FAM124B: variants seen among roughly 807,000 people sequenced by gnomAD.
FAM124B encodes family with sequence similarity 124 member B, also known as protein FAM124B.
A neutral mutation model predicts 19.7 loss-of-function variants in FAM124B; 18 were observed. That is an observed-to-expected ratio of 0.92 (90% confidence interval 0.63 to 1.36). FAM124B has a LOEUF of 1.36. Among genes scored for constraint, FAM124B ranks in the 40% most tolerant of loss-of-function variants. FAM124B has a pLI of 0.00. For synonymous variants in FAM124B, 223 were observed against 225.2 expected, an observed-to-expected ratio of 0.99 and a Z score of 0.09; for missense variants, 540 against 553.3, an observed-to-expected ratio of 0.98 and a Z score of 0.24.
At position 224,379,661 on chromosome 2, in the gene FAM124B, C is replaced by T; in HGVS notation, c.1280G>A (p.Gly427Asp). ...ACATTCTGAAATTGTCTTCCTGGTA[C>T]CAAGGTCCCTTTGGCCAGCAAGTGG... The part of the protein sequence containing the change: ...PLPLAGQRDL[G>D]TRKTISECLL... Residue 427 changes from glycine to aspartate, a missense_variant, in exon 2 of 2, where the codon GGT becomes GAT. Transcript: ENST00000409685. 1.3e-6 allele frequency: 2 copies of T among 1,551,600 alleles called. No homozygotes were observed. Among genetic ancestry groups the T allele is most frequent in the Non-Finnish European group, 1.7e-6 (2 of 1,146,970 alleles).
intron 1 of FAM124B, among the ~76,000 whole-genome samples, chr2:224,381,837 C>T (rs1025807787): frequency 1.3e-5 from 2 of 152,034 alleles, no homozygotes; most frequent in African/African-American, 2.4e-5. Context: ...GTGAACCTAC[C>T]ACTGCTGTAA....
Position 224,379,325 on chromosome 2 carries a change from C to G in FAM124B, c.*248G>C, listed in dbSNP as rs536056488. 128 of 463,964 alleles carry G rather than the reference C, an allele frequency of 2.8e-4. 1 individual carries two copies. Among genetic ancestry groups the G allele is most frequent in the Middle Eastern group, 1.2e-3 (2 of 1,644 alleles). 28.7% of individuals were successfully genotyped at this position (463,964 alleles called of 1,614,324 possible). On this transcript the variant is annotated 3_prime_UTR_variant, in exon 2 of 2. Transcript: ENST00000409685. ...ATCCAGCTGGGTTAGTGCATCTCCA[C>G]GGAACAAAAGCATTCGGTTTTTTTC...
chr2:224,394,848 C>T (rs982606444), intron 1 of FAM124B, among the ~76,000 whole-genome samples: 1 of 152,210 alleles, frequency 6.6e-6, no homozygotes, highest in African/African-American at 2.4e-5. Flanking sequence ...TGGGTGGCTG[C>T]AGCTCTACAG....
intron 1 of FAM124B, among the ~76,000 whole-genome samples, chr2:224,390,618 C>T (rs1430432769): frequency 6.6e-6 from 1 of 151,742 alleles, no homozygotes; most frequent in African/African-American, 2.4e-5. Flanking sequence ...CACCAGCGGG[C>T]GTGAACATAC....
At position 224,401,312 on chromosome 2, in the gene FAM124B, T is replaced by A; in HGVS notation, c.457A>T (p.Ile153Phe). 1 of 1,614,048 alleles carries A rather than the reference T, an allele frequency of 6.2e-7. No homozygotes were observed. The highest frequency in any genetic ancestry group is 1.6e-4 in the Middle Eastern group (1 of 6,062). ...YCSFDNYEDA[I>F]RLYEMILQRE... ...TGCAGGATCATCTCGTAGAGTCTGA[T>A]GGCGTCTTCATAGTTATCAAAACTG... Residue 153 changes from isoleucine to phenylalanine, a missense_variant, in exon 1 of 2, where the codon ATC becomes TTC. By Grantham distance (21) the Ile-to-Phe change is conservative (BLOSUM62 0). Coordinates refer to ENST00000409685, the MANE Select transcript of FAM124B (RefSeq NM_001122779.2).
chr2:224,400,900 TG>T, intron 1 of FAM124B, 136 bp downstream of exon 1: 1 of 1,173,160 alleles, frequency 8.5e-7, no homozygotes, highest in Non-Finnish European at 1.2e-6. Flanking sequence ...CAAACTGCCC[TG>T]GGGTGGGAAT....
Position 224,401,671 on chromosome 2 carries a change from T to C in FAM124B, c.98A>G (p.Asp33Gly), listed in dbSNP as rs1690077852. 6.2e-7 allele frequency: 1 copy of C among 1,614,110 alleles called. No individual in the cohort carries two copies. Among genetic ancestry groups the C allele is most frequent in the Non-Finnish European group, 8.5e-7 (1 of 1,180,036 alleles). The change falls in exon 1 of 2, where the codon GAT becomes GGT. Residue 33 changes from aspartate (D) to glycine (G), a missense_variant. By Grantham distance (94) the Asp-to-Gly change is moderately conservative. Coordinates refer to ENST00000409685, the MANE Select transcript of FAM124B (RefSeq NM_001122779.2). ...GAGCCGGACCTCTGGGCAAATGCAA[T>C]CCAGGAGCTGGTCCAGAGTCCTCTG... The part of the protein sequence containing the change: ...LLQRTLDQLL[D>G]CICPEVRLFQ...
intron 1 of FAM124B, chr2:224,400,334 C>T (rs1690044576): frequency 4.9e-6 from 3 of 614,470 alleles, no homozygotes; most frequent in East Asian, 5.6e-5. Context: ...ATAGTGAGAC[C>T]CCGTCTCTAG....
At chr2:224,395,934 T>C (rs149536610) in intron 1 of FAM124B, among the ~76,000 whole-genome samples, 3 of 152,310 alleles carry the variant, frequency 2.0e-5, no homozygotes, top group Non-Finnish European at 2.9e-5. Flanking sequence ...ATGTACATTC[T>C]CTCATTTGAC....
intron 1 of FAM124B, among the ~76,000 whole-genome samples, chr2:224,395,854 C>T (rs1490270931): frequency 6.6e-6 from 1 of 152,214 alleles, no homozygotes; most frequent in Non-Finnish European, 1.5e-5. Flanking sequence ...GACAGCCTCT[C>T]ACATGCACAG....
At chr2:224,380,433 A>G (rs573108224) in intron 1 of FAM124B, among the ~76,000 whole-genome samples, 6 of 152,312 alleles carry the variant, frequency 3.9e-5, no homozygotes, top group Admixed American at 3.9e-4. Flanking sequence ...AGTTTTTGAC[A>G]AGGGTAAGAC....
At chr2:224,388,885 G>C (rs1689839163) in intron 1 of FAM124B, among the ~76,000 whole-genome samples, 3 of 152,168 alleles carry the variant, frequency 2.0e-5, no homozygotes, top group Admixed American at 2.0e-4. Flanking sequence ...GGGAAGAGGA[G>C]GGTAAGAAGG....
intron 1 of FAM124B, among the ~76,000 whole-genome samples, chr2:224,382,132 A>G (rs1226950338): frequency 6.6e-6 from 1 of 152,236 alleles, no homozygotes; most frequent in Non-Finnish European, 1.5e-5. Flanking sequence ...GAAGTTGGCA[A>G]ATATTTTCGG....
chr2:224,388,637 T>C (rs958223387), intron 1 of FAM124B, among the ~76,000 whole-genome samples: 7 of 152,238 alleles, frequency 4.6e-5, no homozygotes, highest in African/African-American at 1.7e-4. Flanking sequence ...TGGAAATGTA[T>C]AGTGGTGATG....
chr2:224,400,740 G>A (rs1411977811), intron 1 of FAM124B, among the ~76,000 whole-genome samples: 4 of 152,098 alleles, frequency 2.6e-5, no homozygotes, highest in African/African-American at 9.7e-5. Context: ...TAAAGTACTT[G>A]TGTCAGCTGC....
At chr2:224,380,643 A>G (rs1689700255) in intron 1 of FAM124B, among the ~76,000 whole-genome samples, 1 of 152,238 alleles carries the variant, frequency 6.6e-6, no homozygotes, top group Non-Finnish European at 1.5e-5. Flanking sequence ...TGAAGTAAGA[A>G]TTCAATCTTC....
Position 224,378,952 on chromosome 2 carries a change from T to C in FAM124B, c.*621A>G, listed in dbSNP as rs1296169617. The C allele has an allele frequency of 1.3e-5, 2 of 152,724 alleles. No individual in the cohort carries two copies. The highest frequency in any genetic ancestry group is 4.8e-5 in the African/African-American group (2 of 41,464). The allele number at this position is 152,724 out of a possible 1,614,324, so 9.5% of individuals were successfully genotyped here. A position where few individuals can be genotyped will look rare whatever the true frequency, so the allele number is the denominator to read the frequency against. On this transcript the variant is annotated 3_prime_UTR_variant, in exon 2 of 2. Coordinates refer to ENST00000409685, the MANE Select transcript of FAM124B (RefSeq NM_001122779.2). ...GGAAAGCCCTAGAGCCTAGCATTCA[T>C]GTTCAACCTGATTTTCTGGCTTCCA...
intron 1 of FAM124B, chr2:224,400,268 T>C: frequency 2.1e-6 from 1 of 479,174 alleles, no homozygotes; most frequent in Admixed American, 3.6e-5. Context: ...TAATAAAGAA[T>C]AAAAATTAAG....
At chr2:224,381,456 G>A (rs1463322979) in intron 1 of FAM124B, among the ~76,000 whole-genome samples, 10 of 151,550 alleles carry the variant, frequency 6.6e-5, no homozygotes, top group Non-Finnish European at 1.3e-4. Context: ...ACTATATGAT[G>A]CCAACTATAT....
Sources: gnomAD v4.1 joint callset for allele counts (sites outside exome capture counted in the v4.1 genomes callset) on GRCh38, gnomAD v4.1.1 for gene constraint, MANE v1.5 for transcripts, NCBI Gene and HGNC (gene_info 2026-07-23, HGNC 2026-07-21) for gene names.